The following EGFR variants were observed in gnomAD, a reference collection of about 807,000 sequenced individuals.
EGFR encodes avian erythroblastic leukemia viral (v-erb-b) oncogene homolog.
A neutral mutation model predicts 143.0 loss-of-function variants in EGFR; 58 were observed. That is an observed-to-expected ratio of 0.41 (90% confidence interval 0.33 to 0.50). The LOEUF (loss-of-function observed/expected upper bound fraction) is 0.50, where lower values mean the gene tolerates loss of function less well. EGFR is among the 20% of genes least tolerant of loss of function. The pLI, the probability that EGFR is intolerant of heterozygous loss-of-function variation, is 0.39. For missense variants in EGFR, 1,307 were observed against 1,579.0 expected (o/e 0.83, Z 2.92); for synonymous variants, 613 against 594.4 (o/e 1.03, Z -0.45).
At chr7:55,049,827 A>G (rs1280042968) in intron 1 of EGFR, among the ~76,000 whole-genome samples, 1 of 152,146 alleles carries the variant, frequency 6.6e-6, no homozygotes, top group Non-Finnish European at 1.5e-5. Context: ...CATTCTTTAA[A>G]ATTGGTCCCT....
chr7:55,074,615 G>C (rs1452154476), intron 1 of EGFR, among the ~76,000 whole-genome samples: 2 of 152,136 alleles, frequency 1.3e-5, no homozygotes, highest in Non-Finnish European at 2.9e-5. Context: ...AATACCTACT[G>C]TTTTCAACTT....
At chr7:55,120,940 G>C (rs537166499) in intron 1 of EGFR, among the ~76,000 whole-genome samples, 8 of 152,164 alleles carry the variant, frequency 5.3e-5, no homozygotes, top group African/African-American at 1.9e-4. Context: ...ACTGTTTTCC[G>C]GTAGAGTGAA....
intron 1 of EGFR, among the ~76,000 whole-genome samples, chr7:55,098,293 T>C (rs2128899252): frequency 6.6e-6 from 1 of 152,286 alleles, no homozygotes; most frequent in East Asian, 1.9e-4. Flanking sequence ...CAGCCAGGAC[T>C]GGCAGGGATG....
rs2128944636 is a variant in EGFR, at chr7:55,163,754, G to A, written c.1653G>A (p.Glu551=). 3 of 1,614,236 alleles carry A rather than the reference G, an allele frequency of 1.9e-6. No homozygotes were observed. Among genetic ancestry groups the A allele is most frequent in the Non-Finnish European group, 2.5e-6 (3 of 1,180,038 alleles). The change falls in exon 14 of 28, where the codon GAG becomes GAA. Residue 551 remains glutamate (E), a synonymous_variant. Transcript: ENST00000275493. ...TCAGTGAGCCAAGGGAGTTTGTGGA[G>A]AACTCTGAGTGCATACAGTGCCACC... ...LLEGEPREFV[E]NSECIQCHPE...
chr7:55,148,665 G>A (rs1214082681), intron 4 of EGFR, among the ~76,000 whole-genome samples: 1 of 152,124 alleles, frequency 6.6e-6, no homozygotes, highest in Admixed American at 6.5e-5. Flanking sequence ...TTTTTAAAAA[G>A]GAATTAGGTA....
At chr7:55,051,653 A>ACAATCTTC (rs1158286919) in intron 1 of EGFR, among the ~76,000 whole-genome samples, 1 of 152,132 alleles carries the variant, frequency 6.6e-6, no homozygotes. Context: ...ATGGACTAAG[A>ACAATCTTC]CAATCTTCTT....
At chr7:55,110,025 A>G (rs1792378612) in intron 1 of EGFR, 5 of 864,260 alleles carry the variant, frequency 5.8e-6, no homozygotes, top group Non-Finnish European at 6.9e-6. Context: ...CACACAGTGT[A>G]TGTTGTTATG....
intron 27 of EGFR, among the ~76,000 whole-genome samples, chr7:55,203,270 CATACA>C: frequency 6.7e-6 from 1 of 150,160 alleles, no homozygotes; most frequent in East Asian, 2.0e-4. Flanking sequence ...ACACACCACA[CATACA>C]CCACAAAAAC....
intron 20 of EGFR, among the ~76,000 whole-genome samples, chr7:55,185,479 G>A (rs370485792): frequency 1.4e-4 from 22 of 152,218 alleles, no homozygotes; most frequent in African/African-American, 4.1e-4. Context: ...CCCGTCATCC[G>A]TGCCGTTTGG....
rs534897127 is a variant in EGFR at position 55,035,238 on chromosome 7, GT to G, written c.88+15878del. Among the ~76,000 whole-genome samples the G allele has an allele frequency of 3.3e-5, 5 of 152,262 alleles. No individual in the cohort carries two copies. The South Asian group carries it at 8.3e-4, about 25-fold the overall frequency. Reference sequence around the variant, plus strand: ...AACTGTTGTACATTCCCTAGGTAATGTTTTTAAGCATTGTTATTCACTTTCA... The same window carrying G: ...AACTGTTGTACATTCCCTAGGTAATGTTTTAAGCATTGTTATTCACTTTCA... On this transcript the variant is annotated intron_variant, in intron 1 of 27. Transcript: ENST00000275493.
Position 55,112,150 on chromosome 7 carries a change from C to T in EGFR, c.89-30136C>T, listed in dbSNP as rs541478207. Among the ~76,000 whole-genome samples, 43 of 152,330 alleles carry T rather than the reference C, an allele frequency of 2.8e-4. No homozygotes were observed. In the South Asian group the frequency reaches 8.1e-3, roughly 29 times the overall value. Reference sequence around the variant, plus strand: ...CCCTACAGAGGTCCCCACTGCAAACCGATACCCAGCTTAGACAGCAGTTCT... The same window carrying T: ...CCCTACAGAGGTCCCCACTGCAAACTGATACCCAGCTTAGACAGCAGTTCT... On this transcript the variant is annotated intron_variant, in intron 1 of 27. Coordinates refer to ENST00000275493, the MANE Select transcript of EGFR (RefSeq NM_005228.5).
rs1393556056 is a variant in EGFR at position 55,173,054 on chromosome 7, T to C, written c.1991T>C (p.Ile664Thr). 1 of 1,613,770 alleles carries C rather than the reference T, an allele frequency of 6.2e-7. No homozygotes were observed. Among genetic ancestry groups the C allele is most frequent in the South Asian group, 1.1e-5 (1 of 91,064 alleles). The stretch of plus-strand genomic sequence containing the variant: ...TTGCTGCTGGTGGTGGCCCTGGGGA[T>C]CGGCCTCTTCATGCGAAGGCGCCAC... ...LLLLLVVALG[I>T]GLFMRRRHIV... is the part of the protein sequence containing the mutation. The change falls in exon 17 of 28, where the codon ATC becomes ACC. Residue 664 changes from isoleucine to threonine, a missense_variant. By Grantham distance (89) the Ile-to-Thr change is moderately conservative. Coordinates refer to ENST00000275493, the MANE Select transcript of EGFR (RefSeq NM_005228.5).
chr7:55,155,896 A>C lies in EGFR; in HGVS notation c.956A>C (p.Glu319Ala). The change falls in exon 8 of 28, where the codon GAG (glutamate) becomes GCG (alanine). Residue 319 changes from glutamate to alanine, a missense_variant. By Grantham distance (107) the Glu-to-Ala change is moderately radical. Transcript: ENST00000275493. Reference protein sequence around the residue: ...RACGADSYEMEEDGVRKCKKC... With the variant: ...RACGADSYEMAEDGVRKCKKC... ...TGTGGGGCCGACAGCTATGAGATGG[A>C]GGAAGACGGCGTCCGCAAGTGTAAG... 6.2e-7 allele frequency: 1 copy of C among 1,614,062 alleles called. No homozygotes were observed. Among genetic ancestry groups the C allele is most frequent in the Non-Finnish European group, 8.5e-7 (1 of 1,180,030 alleles).
chr7:55,110,433 G>A (rs916793276), intron 1 of EGFR, among the ~76,000 whole-genome samples: 2 of 152,144 alleles, frequency 1.3e-5, no homozygotes, highest in Admixed American at 1.3e-4. Context: ...TCACACATGG[G>A]GCAGCTCTCC....
At chr7:55,197,829 T>C (rs969444917) in intron 22 of EGFR, among the ~76,000 whole-genome samples, 1 of 152,270 alleles carries the variant, frequency 6.6e-6, no homozygotes, top group African/African-American at 2.4e-5. Context: ...GAACCAATCT[T>C]GCATCCCAGG....
intron 1 of EGFR, among the ~76,000 whole-genome samples, chr7:55,097,350 C>T (rs1390257479): frequency 6.6e-6 from 1 of 152,192 alleles, no homozygotes; most frequent in Admixed American, 6.5e-5. Flanking sequence ...CAATAGTAAC[C>T]TCAGCTGATA....
intron 1 of EGFR, among the ~76,000 whole-genome samples, chr7:55,134,498 G>A (rs748385492): frequency 2.6e-5 from 4 of 152,256 alleles, no homozygotes; most frequent in East Asian, 1.9e-4. Flanking sequence ...AAATGGAAAC[G>A]TTATGAGAAA....
chr7:55,166,440 A>T, intron 15 of EGFR: 1 of 495,252 alleles, frequency 2.0e-6, no homozygotes, highest in South Asian at 1.7e-5. Context: ...TCTTTTCTGT[A>T]AATTGGGATA....
chr7:55,115,039 G>C (rs371447607), intron 1 of EGFR, among the ~76,000 whole-genome samples: 2 of 151,966 alleles, frequency 1.3e-5, no homozygotes, highest in Non-Finnish European at 1.5e-5. Flanking sequence ...CCGCCACCGC[G>C]CCGGGCTAAT....
Sources: gnomAD v4.1 joint callset for allele counts (sites outside exome capture counted in the v4.1 genomes callset) on GRCh38, gnomAD v4.1.1 for gene constraint, MANE v1.5 for transcripts, NCBI Gene and HGNC (gene_info 2026-07-23, HGNC 2026-07-21) for gene names.